Variants in BRAP observed in about 807,000 individuals in gnomAD.
The protein encoded by BRAP is BRCA1 associated protein.
A neutral mutation model predicts 73.4 loss-of-function variants in BRAP; 42 were observed. The ratio of observed to expected loss-of-function variants is 0.57; its 90% CI spans 0.45 to 0.74. BRAP has a LOEUF of 0.74. Ranked by LOEUF, BRAP falls within the 30% of genes least tolerant of loss-of-function variation. The pLI, the probability that BRAP is intolerant of heterozygous loss-of-function variation, is 0.00. For synonymous variants in BRAP, 255 were observed against 267.4 expected (o/e 0.95, Z 0.45); for missense variants, 593 against 751.4 (o/e 0.79, Z 2.46).
At chr12:111,667,500 A>G (rs1288821021) in intron 5 of BRAP, among the ~76,000 whole-genome samples, 1 of 151,898 alleles carries the variant, frequency 6.6e-6, no homozygotes, top group African/African-American at 2.4e-5. Flanking sequence ...GGAGTTCAAG[A>G]TCAGCCTGGC....
Position 111,660,508 on chromosome 12 carries a change from T to A in BRAP, c.972+92A>T. 4.5e-6 allele frequency: 5 copies of A among 1,108,406 alleles called. No homozygotes were observed. The South Asian group carries it at 1.0e-4, about 23-fold the overall frequency. The allele number at this position is 1,108,406 out of a possible 1,614,324, so 68.7% of individuals were successfully genotyped here. On this transcript the variant is annotated intron_variant, in intron 7 of 11. Coordinates refer to ENST00000419234, the MANE Select transcript of BRAP (RefSeq NM_006768.5). ...TTAAAATAAAAAATAAAAAATAAATTAAAAATAAAGAACTTAAGTCATACC... is the reference window on the plus strand; with the variant it reads ...TTAAAATAAAAAATAAAAAATAAATAAAAAATAAAGAACTTAAGTCATACC...
intron 4 of BRAP, among the ~76,000 whole-genome samples, chr12:111,674,618 T>G (rs983747485): frequency 3.3e-5 from 5 of 152,128 alleles, no homozygotes; most frequent in Admixed American, 6.6e-5. Context: ...TACTTTTATT[T>G]TGGAGGGGCA....
intron 3 of BRAP, 73 bp downstream of exon 3, chr12:111,681,564 A>C (rs894154772): frequency 1.3e-5 from 17 of 1,268,788 alleles, no homozygotes; most frequent in Non-Finnish European, 1.9e-5. Context: ...TCAGGACAAG[A>C]GACTATGCTA....
chr12:111,659,931 G>C (rs1039209524), intron 7 of BRAP, among the ~76,000 whole-genome samples: 13 of 151,866 alleles, frequency 8.6e-5, no homozygotes, highest in African/African-American at 3.1e-4. Flanking sequence ...AAACCTACTA[G>C]GCCATGGTGG....
In BRAP at chr12:111,660,629, T is replaced by C. The variant is rs1459601453; in HGVS notation, c.943A>G (p.Asn315Asp). 8 of 1,607,362 alleles carry C rather than the reference T, an allele frequency of 5.0e-6. No homozygotes were observed. The highest frequency in any genetic ancestry group is 6.8e-6 in the Non-Finnish European group (8 of 1,176,600). The change falls in exon 7 of 12, where the codon AAT (asparagine) becomes GAT (aspartate). Residue 315 changes from asparagine to aspartate, a missense_variant. Physicochemically the swap from Asn to Asp is conservative, Grantham distance 23. Around this residue, in one of 4 missense-constraint regions of BRAP, gnomAD observed 67 missense variants for 158.0 expected, o/e 0.42. Coordinates refer to ENST00000419234, the MANE Select transcript of BRAP (RefSeq NM_006768.5). ...TGAACACCACACTCAAAACACTTAT[T>C]TTCTTCTACTGGCTCGGGCGTTTGA... ...YCQTPEPVEE[N>D]KCFECGVQEN...
intron 6 of BRAP, among the ~76,000 whole-genome samples, chr12:111,662,173 A>G (rs1003384433): frequency 2.0e-5 from 3 of 152,324 alleles, no homozygotes; most frequent in Admixed American, 2.0e-4. Context: ...AGTCATGAGT[A>G]TTTTTGTTAG....
At chr12:111,654,022 G>A (rs992855048) in intron 10 of BRAP, among the ~76,000 whole-genome samples, 1 of 152,202 alleles carries the variant, frequency 6.6e-6, no homozygotes, top group Non-Finnish European at 1.5e-5. Context: ...TCTGGATGAA[G>A]CACTTGAGGT....
intron 10 of BRAP, among the ~76,000 whole-genome samples, chr12:111,654,371 A>C (rs1886436986): frequency 6.7e-6 from 1 of 149,848 alleles, no homozygotes; most frequent in Admixed American, 6.7e-5. Context: ...GCTGGAGTGC[A>C]GTGGTGCAAT....
chr12:111,674,250 CT>C (rs990306945), intron 4 of BRAP, among the ~76,000 whole-genome samples: 13 of 148,622 alleles, frequency 8.7e-5, no homozygotes, highest in African/African-American at 9.9e-5. Flanking sequence ...TCCCCCCCAC[CT>C]TTTTTTTTTG....
intron 5 of BRAP, among the ~76,000 whole-genome samples, chr12:111,667,924 C>G (rs1347952960): frequency 1.3e-5 from 2 of 151,558 alleles, no homozygotes; most frequent in Admixed American, 6.6e-5. Context: ...AGTAAGAAAG[C>G]TGGGGCTGGC....
chr12:111,677,979 GCA>G (rs1433901501), intron 4 of BRAP, among the ~76,000 whole-genome samples: 9 of 152,190 alleles, frequency 5.9e-5, no homozygotes, highest in African/African-American at 2.2e-4. Flanking sequence ...GAGGCCGGGT[GCA>G]GTCGCTCACG....
At chr12:111,651,090 G>A (rs1227792277) in intron 10 of BRAP, among the ~76,000 whole-genome samples, 1 of 152,014 alleles carries the variant, frequency 6.6e-6, no homozygotes, top group African/African-American at 2.4e-5. Context: ...CAGGAGGCTG[G>A]GTGAACCACA....
At chr12:111,657,910 A>G (rs559118890) in intron 9 of BRAP, among the ~76,000 whole-genome samples, 1 of 152,072 alleles carries the variant, frequency 6.6e-6, no homozygotes, top group South Asian at 2.1e-4. Flanking sequence ...AGACATCACA[A>G]TGAAAGTAAC....
chr12:111,675,542 A>C (rs1433423268), intron 4 of BRAP, among the ~76,000 whole-genome samples: 4 of 149,418 alleles, frequency 2.7e-5, no homozygotes, highest in Non-Finnish European at 5.9e-5. Flanking sequence ...TAGGGAACAA[A>C]CTACACATGG....
Position 111,685,875 on chromosome 12 carries a change from G to T in BRAP, c.-83C>A. 1 of 993,718 alleles carries T rather than the reference G, an allele frequency of 1.0e-6. No homozygotes were observed. The highest frequency in any genetic ancestry group is 1.3e-6 in the Non-Finnish European group (1 of 742,120). The allele number at this position is 993,718 out of a possible 1,614,324, so 61.6% of individuals were successfully genotyped here. A position where few individuals can be genotyped will look rare whatever the true frequency, so the allele number is the denominator to read the frequency against. ...CCGAGAGGCCGAGCGGCCCGGGGCC[G>T]GCAGCGCCGCCACCACCTCAATGCA... On this transcript the variant is annotated 5_prime_UTR_variant, in exon 1 of 12. Transcript: ENST00000419234.
chr12:111,672,798 G>A (rs1566124980), intron 4 of BRAP, 24 bp from the exon 5 acceptor site: 2 of 1,582,888 alleles, frequency 1.3e-6, no homozygotes, highest in Admixed American at 1.7e-5. Context: ...TGGGGAAAAG[G>A]AAAAAAATTA....
intron 4 of BRAP, among the ~76,000 whole-genome samples, chr12:111,675,828 T>A (rs1010763334): frequency 1.3e-5 from 2 of 152,090 alleles, no homozygotes; most frequent in African/African-American, 4.8e-5. Flanking sequence ...CAAGGAGGTG[T>A]CTGCTAAGGC....
In BRAP at chr12:111,665,192, A is replaced by G. The variant is rs1416277002; in HGVS notation, c.896+447T>C. Among the ~76,000 whole-genome samples, 1 of 151,762 alleles carries G rather than the reference A, an allele frequency of 6.6e-6. No homozygotes were observed. The highest frequency in any genetic ancestry group is 6.6e-5 in the Admixed American group (1 of 15,226). On this transcript the variant is annotated intron_variant, in intron 6 of 11. Coordinates refer to ENST00000419234, the MANE Select transcript of BRAP (RefSeq NM_006768.5). The surrounding 1 kb of genome is among the most constrained non-coding windows in gnomAD (Gnocchi z 4.3). The stretch of plus-strand genomic sequence containing the variant: ...CAGGAGGCTGTAGAGTAGATCTCAT[A>G]CTTAGTAACTGCTATTTCTACTGGC...
At chr12:111,655,787 G>T in intron 9 of BRAP, 132 bp from the exon 10 acceptor site, 2 of 696,866 alleles carry the variant, frequency 2.9e-6, no homozygotes, top group Non-Finnish European at 2.5e-6. Flanking sequence ...TTACGCCCTG[G>T]TTCTACTCTA....
Sources: allele counts gnomAD v4.1 joint callset (sites outside exome capture counted in the v4.1 genomes callset), GRCh38; gene constraint gnomAD v4.1.1; regional missense constraint gnomAD v4.1.1; non-coding constraint Gnocchi (gnomAD v3.1); transcripts MANE v1.5; gene names NCBI Gene and HGNC (gene_info 2026-07-23, HGNC 2026-07-21).